The following DTWD2 variants were observed in gnomAD, a reference collection of about 807,000 sequenced individuals.
The protein encoded by DTWD2 is DTW motif tRNA-uridine aminocarboxypropyltransferase 2.
Under a neutral mutation model 31.8 loss-of-function variants are expected in DTWD2, and 39 were observed. That is an observed-to-expected ratio of 1.22 (90% confidence interval 0.95 to 1.60). The LOEUF is 1.60. Among genes scored for constraint, DTWD2 ranks in the 40% most tolerant of loss-of-function variants. The pLI, the probability that DTWD2 is intolerant of heterozygous loss-of-function variation, is 0.00. For missense variants in DTWD2, 515 were observed against 381.5 expected (o/e 1.35, Z -2.92); for synonymous variants, 180 against 142.8 (o/e 1.26, Z -1.86).
intron 2 of DTWD2, among the ~76,000 whole-genome samples, chr5:118,940,076 T>G (rs976524827): frequency 1.3e-5 from 2 of 152,122 alleles, no homozygotes; most frequent in African/African-American, 4.8e-5. Flanking sequence ...CCAAAGAATA[T>G]AGAGTATGGA....
intron 4 of DTWD2, among the ~76,000 whole-genome samples, chr5:118,849,599 C>T (rs951736066): frequency 6.6e-6 from 1 of 152,154 alleles, no homozygotes; most frequent in Non-Finnish European, 1.5e-5. Context: ...CAGCATTATT[C>T]ACAATAGCAA....
At chr5:118,954,871 T>C (rs949943080) in intron 1 of DTWD2, among the ~76,000 whole-genome samples, 4 of 152,186 alleles carry the variant, frequency 2.6e-5, no homozygotes, top group African/African-American at 7.2e-5. Context: ...AATGCTTTTC[T>C]CCTCCTATAC....
At chr5:118,968,638 CCT>C (rs916563285) in intron 1 of DTWD2, among the ~76,000 whole-genome samples, 14 of 152,308 alleles carry the variant, frequency 9.2e-5, no homozygotes, top group East Asian at 1.9e-4. Flanking sequence ...GAGATCCCCC[CCT>C]GAGCCCACAC....
rs1751623904 is a variant in DTWD2 at position 118,838,374 on chromosome 5, A to T, written c.*2543T>A. 7.4e-6 allele frequency: 1 copy of T among 135,780 alleles called. No individual in the cohort carries two copies. Among genetic ancestry groups the T allele is most frequent in the Non-Finnish European group, 1.5e-5 (1 of 65,138 alleles). 8.4% of individuals were successfully genotyped at this position (135,780 alleles called of 1,614,324 possible). A position where few individuals can be genotyped will look rare whatever the true frequency, so the allele number is the denominator to read the frequency against. On this transcript the variant is annotated 3_prime_UTR_variant, in exon 6 of 6. Coordinates refer to ENST00000510708, the MANE Select transcript of DTWD2 (RefSeq NM_173666.4). ...AACCTACTATCAGCTACAAATTCAT[A>T]AAACTTGGAACTTCCAGGAAAAATC...
chr5:118,842,911 C>A (rs528405301), intron 5 of DTWD2, among the ~76,000 whole-genome samples: 1 of 151,254 alleles, frequency 6.6e-6, no homozygotes, highest in South Asian at 2.1e-4. Flanking sequence ...CATACCACTG[C>A]ACTCCAGCCT....
intron 1 of DTWD2, among the ~76,000 whole-genome samples, chr5:118,946,436 T>G (rs1429160461): frequency 1.3e-5 from 2 of 152,120 alleles, no homozygotes; most frequent in African/African-American, 4.8e-5. Flanking sequence ...CCTCACTCAG[T>G]AGAAACAGGA....
intron 1 of DTWD2, among the ~76,000 whole-genome samples, chr5:118,951,400 A>G (rs1488880647): frequency 6.6e-6 from 1 of 152,148 alleles, no homozygotes; most frequent in African/African-American, 2.4e-5. Context: ...CAGGAGAGAA[A>G]GAAGAAAGAT....
intron 4 of DTWD2, among the ~76,000 whole-genome samples, chr5:118,879,063 G>A (rs1752682633): frequency 6.6e-6 from 1 of 152,170 alleles, no homozygotes; most frequent in Non-Finnish European, 1.5e-5. Context: ...CTCAATCACT[G>A]TGAAAGGCAG....
intron 4 of DTWD2, among the ~76,000 whole-genome samples, chr5:118,869,061 A>C (rs1362538344): frequency 6.6e-6 from 1 of 152,074 alleles, no homozygotes; most frequent in East Asian, 1.9e-4. Flanking sequence ...AAAAAAGGAA[A>C]GTTATTATTT....
intron 4 of DTWD2, among the ~76,000 whole-genome samples, chr5:118,890,224 C>A (rs948799288): frequency 2.0e-5 from 3 of 152,182 alleles, no homozygotes; most frequent in Non-Finnish European, 4.4e-5. Flanking sequence ...GTCAGTCTGA[C>A]ATCAAAGCCT....
At position 118,837,641 on chromosome 5, in the gene DTWD2, T is replaced by C. The variant is rs1751602330; in HGVS notation, c.*3276A>G. On this transcript the variant is annotated 3_prime_UTR_variant, in exon 6 of 6. Coordinates refer to ENST00000510708, the MANE Select transcript of DTWD2 (RefSeq NM_173666.4). ...AACTGAGTAAATTATACAGAAGTGC[T>C]CTTCTATATAATTTACTGAGAGGCC... The C allele has an allele frequency of 6.6e-6, 1 of 152,122 alleles. No individual in the cohort carries two copies. The highest frequency in any genetic ancestry group is 1.5e-5 in the Non-Finnish European group (1 of 68,036). The allele number at this position is 152,122 out of a possible 1,614,324, so 9.4% of individuals were successfully genotyped here.
chr5:118,922,693 A>G lies in DTWD2; in HGVS notation c.597+5844T>C, dbSNP rs1417441488. 4.6e-5 allele frequency among the ~76,000 whole-genome samples: 7 copies of G among 152,350 alleles called. No homozygotes were observed. The East Asian group carries it at 7.7e-4, about 17-fold the overall frequency. ...AAAAAATAAGCAAAAGACTATATTT[A>G]CAAATAAACTATATACAGTAGACTA... On this transcript the variant is annotated intron_variant, in intron 4 of 5. Coordinates refer to ENST00000510708, the MANE Select transcript of DTWD2 (RefSeq NM_173666.4).
At chr5:118,916,100 G>A (rs961173900) in intron 4 of DTWD2, among the ~76,000 whole-genome samples, 1 of 152,198 alleles carries the variant, frequency 6.6e-6, no homozygotes, top group African/African-American at 2.4e-5. Flanking sequence ...ATTGGTTGAA[G>A]ATCTGGGCCA....
At chr5:118,917,551 CAT>C (rs748703923) in intron 4 of DTWD2, among the ~76,000 whole-genome samples, 1 of 152,176 alleles carries the variant, frequency 6.6e-6, no homozygotes, top group African/African-American at 2.4e-5. Flanking sequence ...TTAATTGACT[CAT>C]AGTTCCACAG....
chr5:118,885,210 T>C (rs1177107588), intron 4 of DTWD2, among the ~76,000 whole-genome samples: 1 of 151,218 alleles, frequency 6.6e-6, no homozygotes, highest in African/African-American at 2.4e-5. Context: ...TCCCAACATT[T>C]TGGGAGGCCC....
intron 4 of DTWD2, among the ~76,000 whole-genome samples, chr5:118,848,677 T>C (rs906293757): frequency 1.3e-5 from 2 of 151,984 alleles, no homozygotes; most frequent in African/African-American, 4.8e-5. Flanking sequence ...CCAAAACAGA[T>C]ATATAAACCA....
chr5:118,944,509 T>G, intron 2 of DTWD2, 50 bp downstream of exon 2: 1 of 1,547,214 alleles, frequency 6.5e-7, no homozygotes, highest in Non-Finnish European at 8.9e-7. Context: ...TCGTGTTTCC[T>G]CTTGTGGACT....
intron 3 of DTWD2, among the ~76,000 whole-genome samples, chr5:118,938,209 G>A (rs1398205876): frequency 2.0e-5 from 3 of 151,332 alleles, no homozygotes; most frequent in African/African-American, 4.9e-5. Context: ...ATTGCAATGC[G>A]GCAAGGAAAA....
chr5:118,865,468 T>C (rs1326075830), intron 4 of DTWD2, among the ~76,000 whole-genome samples: 1 of 152,112 alleles, frequency 6.6e-6, no homozygotes, highest in Non-Finnish European at 1.5e-5. Context: ...AAAAGAATCA[T>C]ACATATAAAT....
Sources: allele counts gnomAD v4.1 joint callset (sites outside exome capture counted in the v4.1 genomes callset), GRCh38; gene constraint gnomAD v4.1.1; transcripts MANE v1.5; gene names NCBI Gene and HGNC (gene_info 2026-07-23, HGNC 2026-07-21).